ASXL3: variants seen among roughly 807,000 people sequenced by gnomAD.
The protein encoded by ASXL3 is putative Polycomb group protein ASXL3.
A neutral mutation model predicts 170.6 loss-of-function variants in ASXL3; 34 were observed. The observed-to-expected ratio is 0.20, with a 90% CI of 0.15 to 0.27. The LOEUF is 0.27. Among genes scored for constraint, ASXL3 ranks in the 10% least tolerant of loss-of-function variants. ASXL3 has a pLI of 1.00. For missense variants in ASXL3, 2,592 were observed against 2,695.3 expected (o/e 0.96, Z 0.85); for synonymous variants, 1,002 against 989.1 (o/e 1.01, Z -0.24).
intron 10 of ASXL3, 117 bp from the exon 11 acceptor site, chr18:33,738,370 G>T: frequency 9.5e-7 from 1 of 1,048,826 alleles, no homozygotes. Context: ...GCATGTTAAT[G>T]ATTATAAATG....
intron 1 of ASXL3, among the ~76,000 whole-genome samples, chr18:33,594,479 T>C (rs955026429): frequency 6.6e-6 from 1 of 152,182 alleles, no homozygotes; most frequent in Non-Finnish European, 1.5e-5. Context: ...GCAGAATCTT[T>C]TGTTGGCAAA....
intron 2 of ASXL3, among the ~76,000 whole-genome samples, chr18:33,638,441 A>G (rs557009627): frequency 7.3e-4 from 111 of 152,254 alleles, no homozygotes; most frequent in African/African-American, 2.5e-3. Flanking sequence ...CAACAATGTC[A>G]TCTTCTGCAG....
chr18:33,728,545 T>A (rs1260844809), intron 8 of ASXL3, among the ~76,000 whole-genome samples: 1 of 152,176 alleles, frequency 6.6e-6, no homozygotes, highest in Admixed American at 6.5e-5. Flanking sequence ...GTCCTCATCC[T>A]TATTGTCTTT....
intron 2 of ASXL3, among the ~76,000 whole-genome samples, chr18:33,616,362 G>A (rs542940728): frequency 6.6e-6 from 1 of 151,668 alleles, no homozygotes; most frequent in East Asian, 1.9e-4. Flanking sequence ...AGTAGAAGTC[G>A]AGCCCCACAA....
chr18:33,666,573 A>C (rs2066258767), intron 5 of ASXL3, among the ~76,000 whole-genome samples: 2 of 152,214 alleles, frequency 1.3e-5, no homozygotes, highest in African/African-American at 4.8e-5. Flanking sequence ...ACCCAAATAT[A>C]GATAATCACA....
chr18:33,602,165 T>C (rs12103993), intron 1 of ASXL3, among the ~76,000 whole-genome samples: 60 of 152,072 alleles, frequency 3.9e-4, no homozygotes, highest in African/African-American at 1.4e-3. Context: ...CCTTGACTTA[T>C]GATAATCTAA....
chr18:33,650,291 C>T (rs2065976782), intron 4 of ASXL3, among the ~76,000 whole-genome samples: 1 of 151,876 alleles, frequency 6.6e-6, no homozygotes, highest in Non-Finnish European at 1.5e-5. Context: ...GCATGAGATA[C>T]AATGCTGGAG....
At chr18:33,619,809 C>T (rs62092361) in intron 2 of ASXL3, among the ~76,000 whole-genome samples, 13,689 of 152,116 alleles carry the variant, frequency 0.09, 701 homozygotes, top group African/African-American at 0.12. Context: ...AATTTCTACA[C>T]TTGTGGAAAC....
chr18:33,745,911 G>GCCCCCC lies in ASXL3; in HGVS notation c.6065_6066insCCCCCC (p.Pro2027_Pro2028dup). 6.9e-6 allele frequency: 11 copies of GCCCCCC among 1,585,660 alleles called. No individual in the cohort carries two copies. The highest frequency in any genetic ancestry group is 4.5e-5 in the South Asian group (4 of 89,118). On this transcript the variant is annotated inframe_insertion, in exon 12 of 12. Coordinates refer to ENST00000269197, the MANE Select transcript of ASXL3 (RefSeq NM_030632.3). ...CACTAGTACATCCGCCGCCGCCACC[G>GCCCCCC]CCTCCCCCTCCCCCTCCACCCTTGG...
chr18:33,725,298 C>T (rs990018229), intron 8 of ASXL3, among the ~76,000 whole-genome samples: 1 of 152,148 alleles, frequency 6.6e-6, no homozygotes, highest in African/African-American at 2.4e-5. Context: ...ATACTGCACA[C>T]ACTGTTTACC....
Position 33,744,231 on chromosome 18 carries a change from A to G in ASXL3, c.4383A>G (p.Ala1461=), listed in dbSNP as rs767397986. 16 of 1,613,716 alleles carry G rather than the reference A, an allele frequency of 9.9e-6. No individual in the cohort carries two copies. Among genetic ancestry groups the G allele is most frequent in the Middle Eastern group, 1.6e-4 (1 of 6,084 alleles). The change falls in exon 12 of 12, where the codon GCA becomes GCG. Residue 1461 remains alanine (A), a synonymous_variant. Transcript: ENST00000269197. ...GKPQQPPGGF[A]PAAINRSIPC... ...CTCAGCAACCACCAGGGGGCTTTGCACCAGCAGCCATAAACCGATCAATTC... is the reference window on the plus strand; with the variant it reads ...CTCAGCAACCACCAGGGGGCTTTGCGCCAGCAGCCATAAACCGATCAATTC...
At chr18:33,611,054 TTGAC>T (rs1401125622) in intron 2 of ASXL3, among the ~76,000 whole-genome samples, 5 of 152,110 alleles carry the variant, frequency 3.3e-5, no homozygotes, top group Admixed American at 6.6e-5. Flanking sequence ...TTACTGTTAT[TTGAC>T]TGAGGTGAAA....
intron 8 of ASXL3, among the ~76,000 whole-genome samples, chr18:33,688,986 G>T (rs2066643984): frequency 6.8e-6 from 1 of 146,224 alleles, no homozygotes; most frequent in South Asian, 2.2e-4. Context: ...GACTTGAAAG[G>T]TGTATTTTCT....
chr18:33,733,459 A>T (rs2067486695), intron 9 of ASXL3, among the ~76,000 whole-genome samples: 1 of 151,500 alleles, frequency 6.6e-6, no homozygotes, highest in South Asian at 2.1e-4. Context: ...CTTGTACTTG[A>T]CCCCTCTTCA....
intron 2 of ASXL3, among the ~76,000 whole-genome samples, chr18:33,628,844 G>A (rs1310664114): frequency 1.3e-5 from 2 of 152,120 alleles, no homozygotes; most frequent in African/African-American, 4.8e-5. Flanking sequence ...TACTTAAAGA[G>A]TAACTTGTCT....
intron 2 of ASXL3, among the ~76,000 whole-genome samples, chr18:33,639,107 G>T (rs537028354): frequency 6.6e-6 from 1 of 152,132 alleles, no homozygotes; most frequent in Non-Finnish European, 1.5e-5. Flanking sequence ...TTTAGATGTT[G>T]GTTACTATGG....
At chr18:33,613,657 G>A (rs1463728579) in intron 2 of ASXL3, among the ~76,000 whole-genome samples, 1 of 152,110 alleles carries the variant, frequency 6.6e-6, no homozygotes, top group Non-Finnish European at 1.5e-5. Flanking sequence ...GGTGACTCAT[G>A]CCTATAATCC....
chr18:33,700,371 G>A (rs1327405886), intron 8 of ASXL3, among the ~76,000 whole-genome samples: 2 of 152,042 alleles, frequency 1.3e-5, no homozygotes, highest in African/African-American at 4.8e-5. Flanking sequence ...TGGAAGAGAG[G>A]AAGATGGTGG....
intron 4 of ASXL3, among the ~76,000 whole-genome samples, chr18:33,649,968 G>T (rs1344654999): frequency 6.6e-6 from 1 of 152,088 alleles, no homozygotes; most frequent in Non-Finnish European, 1.5e-5. Context: ...GAGTTGCCTG[G>T]ATGAGGTGGC....
Sources: allele counts gnomAD v4.1 joint callset (sites outside exome capture counted in the v4.1 genomes callset), GRCh38; gene constraint gnomAD v4.1.1; transcripts MANE v1.5; gene names NCBI Gene and HGNC (gene_info 2026-07-23, HGNC 2026-07-21).